AGO2: variants seen among roughly 807,000 people sequenced by gnomAD.
AGO2 encodes protein argonaute-2.
In AGO2, 5 loss-of-function variants were observed where a neutral mutation model predicts 102.3. The ratio of observed to expected loss-of-function variants is 0.05; its 90% confidence interval spans 0.03 to 0.10. The LOEUF (loss-of-function observed/expected upper bound fraction) is 0.10. Ranked by LOEUF, AGO2 falls within the 10% of genes least tolerant of loss-of-function variation. AGO2 has a pLI of 1.00. For missense variants in AGO2, 541 were observed against 1,183.7 expected, an observed-to-expected ratio of 0.46 and a Z score of 7.97; for synonymous variants, 449 against 473.1, an observed-to-expected ratio of 0.95 and a Z score of 0.66.
chr8:140,616,144 G>A (rs1811544413), intron 1 of AGO2, among the ~76,000 whole-genome samples: 1 of 152,164 alleles, frequency 6.6e-6, no homozygotes, highest in Non-Finnish European at 1.5e-5. Context: ...CCCATAGTCT[G>A]TGCCAGACGA....
In AGO2 at chr8:140,527,281, C is replaced by T. The variant is rs767950616; in HGVS notation, c.*4763G>A. 5.9e-5 allele frequency: 9 copies of T among 152,104 alleles called. No homozygotes were observed. Among genetic ancestry groups the T allele is most frequent in the East Asian group, 1.9e-4 (1 of 5,182 alleles). 9.4% of individuals were successfully genotyped at this position (152,104 alleles called of 1,614,324 possible). A position where few individuals can be genotyped will look rare whatever the true frequency, so the allele number is the denominator to read the frequency against. On this transcript the variant is annotated 3_prime_UTR_variant, in exon 19 of 19. Transcript: ENST00000220592. The surrounding 1 kb of genome is among the most constrained non-coding windows in gnomAD (Gnocchi z 6.0). ...GGTCAACAGACACGAAGCTAAAGGGCGGAACAGAGTTAAGTCCACACAACT... is the reference window on the plus strand; with the variant it reads ...GGTCAACAGACACGAAGCTAAAGGGTGGAACAGAGTTAAGTCCACACAACT...
chr8:140,589,789 G>A lies in AGO2; in HGVS notation c.23-4478C>T, dbSNP rs1390614578. The stretch of plus-strand genomic sequence containing the variant: ...AATGGCACAGCAGCCACCGAGATCC[G>A]TGCCATCAGCACGAGCCGCAGAACA... On this transcript the variant is annotated intron_variant, in intron 1 of 18. Transcript: ENST00000220592. This position sits in a 1 kb window ranked among gnomAD's most constrained non-coding sequence, Gnocchi z 4.2. 1.3e-5 allele frequency among the ~76,000 whole-genome samples: 2 copies of A among 152,088 alleles called. No homozygotes were observed. The highest frequency in any genetic ancestry group is 2.9e-5 in the Non-Finnish European group (2 of 68,000).
chr8:140,634,925 CCA>C (rs1435239049), intron 1 of AGO2, among the ~76,000 whole-genome samples: 2 of 152,108 alleles, frequency 1.3e-5, no homozygotes, highest in Non-Finnish European at 2.9e-5. Context: ...ACGGAGCGCG[CCA>C]CAGACTCACC....
intron 1 of AGO2, among the ~76,000 whole-genome samples, chr8:140,598,063 G>T (rs2073875055): frequency 6.6e-6 from 1 of 152,220 alleles, no homozygotes; most frequent in African/African-American, 2.4e-5. Flanking sequence ...TATTGTACAA[G>T]ATCTAACCCA....
At chr8:140,624,733 G>A (rs1315160880) in intron 1 of AGO2, among the ~76,000 whole-genome samples, 5 of 152,226 alleles carry the variant, frequency 3.3e-5, no homozygotes, top group African/African-American at 7.2e-5. Context: ...GACACTATGC[G>A]GGGCATATAA....
chr8:140,634,974 C>A (rs1174079935), intron 1 of AGO2, among the ~76,000 whole-genome samples: 1 of 151,842 alleles, frequency 6.6e-6, no homozygotes, highest in Non-Finnish European at 1.5e-5. Context: ...CCCCTCCCCT[C>A]CCGCCCGTGC....
intron 3 of AGO2, among the ~76,000 whole-genome samples, chr8:140,566,967 C>A (rs892209987): frequency 1.3e-5 from 2 of 152,222 alleles, no homozygotes; most frequent in Admixed American, 6.5e-5. Flanking sequence ...ACACACGCCC[C>A]AGCCAGGAGG....
intron 3 of AGO2, among the ~76,000 whole-genome samples, chr8:140,570,894 C>A (rs994025290): frequency 6.6e-6 from 1 of 152,140 alleles, no homozygotes; most frequent in African/African-American, 2.4e-5. Context: ...GCCCTCAGCC[C>A]CTTTTCAGAA....
intron 1 of AGO2, among the ~76,000 whole-genome samples, chr8:140,630,638 T>C (rs768082432): frequency 5.9e-5 from 9 of 152,146 alleles, no homozygotes; most frequent in Non-Finnish European, 1.2e-4. Context: ...GGCAGAGATA[T>C]GTGAAAGAGG....
Position 140,589,467 on chromosome 8 carries a change from C to T in AGO2, c.23-4156G>A, listed in dbSNP as rs1478106867. ...GGCCCAGGGCTGTCTCCTAGGAAGC[C>T]GGCCCAGTGCTCAGCACCCATGAAT... On this transcript the variant is annotated intron_variant, in intron 1 of 18. Transcript: ENST00000220592. The surrounding 1 kb of genome is among the most constrained non-coding windows in gnomAD (Gnocchi z 4.2). Among the ~76,000 whole-genome samples, 3 of 152,098 alleles carry T rather than the reference C, an allele frequency of 2.0e-5. No individual in the cohort carries two copies. Among genetic ancestry groups the T allele is most frequent in the African/African-American group, 7.2e-5 (3 of 41,420 alleles).
intron 16 of AGO2, among the ~76,000 whole-genome samples, chr8:140,537,441 A>G (rs1006094006): frequency 6.6e-6 from 1 of 152,034 alleles, no homozygotes; most frequent in African/African-American, 2.4e-5. Flanking sequence ...AGCTGGGACC[A>G]TAGGCGTATG....
chr8:140,604,296 T>C (rs954754960), intron 1 of AGO2, among the ~76,000 whole-genome samples: 1 of 152,256 alleles, frequency 6.6e-6, no homozygotes, highest in African/African-American at 2.4e-5. Context: ...TGGGAGTTCA[T>C]GTTCAAGAAC....
chr8:140,542,286 T>C (rs904019430), intron 14 of AGO2, among the ~76,000 whole-genome samples: 1 of 152,152 alleles, frequency 6.6e-6, no homozygotes. Flanking sequence ...AAATAAAACC[T>C]CTCATGTCAC....
chr8:140,539,480 G>T lies in AGO2; in HGVS notation c.2035-26C>A, dbSNP rs372945406. ...CTAGGGGTACGGGAGGGAGGAGGTT[G>T]TGCTTAAAGATGGTAGTGCATGTGA... On this transcript the variant is annotated intron_variant, in intron 15 of 18. Coordinates refer to ENST00000220592, the MANE Select transcript of AGO2 (RefSeq NM_012154.5). The surrounding 1 kb of genome is among the most constrained non-coding windows in gnomAD (Gnocchi z 4.7). 1.3e-6 allele frequency: 2 copies of T among 1,599,088 alleles called. No homozygotes were observed. The highest frequency in any genetic ancestry group is 1.7e-6 in the Non-Finnish European group (2 of 1,171,774).
rs1054621968 is a variant in AGO2 at position 140,521,664 on chromosome 8, C to T, written c.*10380G>A. 1.2e-4 allele frequency: 19 copies of T among 152,262 alleles called. No individual in the cohort carries two copies. Among genetic ancestry groups the T allele is most frequent in the Non-Finnish European group, 2.2e-4 (15 of 68,046 alleles). The allele number at this position is 152,262 out of a possible 1,614,324, so 9.4% of individuals were successfully genotyped here. On this transcript the variant is annotated 3_prime_UTR_variant, in exon 19 of 19. Coordinates refer to ENST00000220592, the MANE Select transcript of AGO2 (RefSeq NM_012154.5). ...CCTGTCAGAAAGCCTTCCTAACTTACAGGCACACAGGGCCGCTGCTGAATG... is the reference window on the plus strand; with the variant it reads ...CCTGTCAGAAAGCCTTCCTAACTTATAGGCACACAGGGCCGCTGCTGAATG...
At chr8:140,535,047 G>C (rs1345114185) in intron 17 of AGO2, among the ~76,000 whole-genome samples, 1 of 152,228 alleles carries the variant, frequency 6.6e-6, no homozygotes, top group Non-Finnish European at 1.5e-5. Flanking sequence ...GGACGGCAAG[G>C]CTGACTGCGC....
chr8:140,562,358 G>C, intron 4 of AGO2, 95 bp downstream of exon 4: 1 of 1,450,520 alleles, frequency 6.9e-7, no homozygotes. Flanking sequence ...CTGGATCCAA[G>C]AATGAGCCGT....
At chr8:140,537,950 C>G (rs2072725829) in intron 16 of AGO2, among the ~76,000 whole-genome samples, 1 of 152,136 alleles carries the variant, frequency 6.6e-6, no homozygotes, top group Non-Finnish European at 1.5e-5. Context: ...TCCCGAGTAC[C>G]TGGGACTACA....
chr8:140,620,959 G>C (rs1438557870), intron 1 of AGO2, among the ~76,000 whole-genome samples: 1 of 152,078 alleles, frequency 6.6e-6, no homozygotes. Flanking sequence ...CATCACCCAG[G>C]CTGGAGTGCA....
Sources: gnomAD v4.1 joint callset for allele counts (sites outside exome capture counted in the v4.1 genomes callset) on GRCh38, gnomAD v4.1.1 for gene constraint, Gnocchi (gnomAD v3.1) non-coding constraint, MANE v1.5 for transcripts, NCBI Gene and HGNC (gene_info 2026-07-23, HGNC 2026-07-21) for gene names.